GALNT12: variants seen among roughly 807,000 people sequenced by gnomAD.
GALNT12 encodes the protein polypeptide N-acetylgalactosaminyltransferase 12, also known as UDP-GalNAc:polypeptide N-acetylgalactosaminyltransferase 12.
In GALNT12, 45 loss-of-function variants were observed where a neutral mutation model predicts 55.5. That is an observed-to-expected ratio of 0.81 (90% confidence interval 0.64 to 1.04). GALNT12 has a LOEUF of 1.04. Ranked by LOEUF, GALNT12 falls within the 50% of genes least tolerant of loss-of-function variation. The pLI, the probability that GALNT12 is intolerant of heterozygous loss-of-function variation, is 0.00. For synonymous variants in GALNT12, 304 were observed against 312.2 expected (o/e 0.97, Z 0.28); for missense variants, 709 against 754.8 (o/e 0.94, Z 0.71).
chr9:98,818,557 T>G (rs535687654), intron 1 of GALNT12, among the ~76,000 whole-genome samples: 1 of 152,056 alleles, frequency 6.6e-6, no homozygotes, highest in African/African-American at 2.4e-5. Context: ...AGATTTTTCC[T>G]TCCTAATCTA....
chr9:98,823,489 G>A (rs1835792360), intron 2 of GALNT12, 64 bp downstream of exon 2: 23 of 1,470,918 alleles, frequency 1.6e-5, no homozygotes, highest in Non-Finnish European at 2.0e-5. Flanking sequence ...GGAGGTGAGA[G>A]TGGGATGCAG....
intron 1 of GALNT12, among the ~76,000 whole-genome samples, chr9:98,817,203 C>T (rs1025109632): frequency 3.3e-5 from 5 of 152,038 alleles, no homozygotes; most frequent in Non-Finnish European, 5.9e-5. Flanking sequence ...TGGGCTCAAG[C>T]GATCCTCCCA....
intron 1 of GALNT12, among the ~76,000 whole-genome samples, chr9:98,812,038 AAGGGAGT>A (rs1835507047): frequency 6.6e-6 from 1 of 152,176 alleles, no homozygotes; most frequent in African/African-American, 2.4e-5. Context: ...AGGGTTGCAG[AAGGGAGT>A]AGGACATTAG....
At chr9:98,840,694 G>A (rs1836267605) in intron 7 of GALNT12, among the ~76,000 whole-genome samples, 2 of 152,130 alleles carry the variant, frequency 1.3e-5, no homozygotes, top group Admixed American at 1.3e-4. Flanking sequence ...TATAAAGCAG[G>A]ATATTCATGT....
At chr9:98,817,421 A>G (rs1038276521) in intron 1 of GALNT12, among the ~76,000 whole-genome samples, 3 of 152,100 alleles carry the variant, frequency 2.0e-5, no homozygotes, top group Admixed American at 1.3e-4. Context: ...TTGCTATAAC[A>G]TGTATTTGTT....
At chr9:98,843,306 G>T (rs1836337516) in intron 7 of GALNT12, among the ~76,000 whole-genome samples, 1 of 152,008 alleles carries the variant, frequency 6.6e-6, no homozygotes, top group Non-Finnish European at 1.5e-5. Context: ...ACTGAATGAG[G>T]TTTATAATTT....
intron 3 of GALNT12, among the ~76,000 whole-genome samples, chr9:98,831,513 C>T (rs1835990781): frequency 6.6e-6 from 1 of 152,168 alleles, no homozygotes; most frequent in Non-Finnish European, 1.5e-5. Context: ...TCAGAATGTC[C>T]ATGGATAGAA....
chr9:98,837,185 C>T (rs1194785124), intron 6 of GALNT12, 37 bp downstream of exon 6: 3 of 1,606,982 alleles, frequency 1.9e-6, no homozygotes, highest in Non-Finnish European at 2.6e-6. Context: ...CATCTGGCTT[C>T]ATCTGAACAA....
At chr9:98,833,886 T>C (rs771296871) in intron 4 of GALNT12, among the ~76,000 whole-genome samples, 1 of 152,112 alleles carries the variant, frequency 6.6e-6, no homozygotes, top group Non-Finnish European at 1.5e-5. Flanking sequence ...CATCCCATAA[T>C]ATCCCTGTGC....
chr9:98,811,202 G>A (rs1428580117), intron 1 of GALNT12, among the ~76,000 whole-genome samples: 1 of 152,202 alleles, frequency 6.6e-6, no homozygotes, highest in Non-Finnish European at 1.5e-5. Context: ...TTTGGAGGGT[G>A]TGGAGAATAC....
intron 1 of GALNT12, among the ~76,000 whole-genome samples, chr9:98,815,004 G>A (rs1188667529): frequency 2.6e-5 from 4 of 152,210 alleles, no homozygotes; most frequent in Admixed American, 2.6e-4. Flanking sequence ...ATTGTGTGCT[G>A]TGATGTAGCA....
intron 1 of GALNT12, among the ~76,000 whole-genome samples, chr9:98,812,771 G>T (rs1390017980): frequency 6.6e-6 from 1 of 152,002 alleles, no homozygotes; most frequent in Non-Finnish European, 1.5e-5. Flanking sequence ...AGTCGATAGA[G>T]GCTTTTCCCC....
At chr9:98,832,836 A>G (rs958839542) in intron 4 of GALNT12, among the ~76,000 whole-genome samples, 1 of 152,138 alleles carries the variant, frequency 6.6e-6, no homozygotes, top group Non-Finnish European at 1.5e-5. Context: ...CTTTGTACAT[A>G]TATGCTACAT....
chr9:98,817,519 A>G (rs1026136850), intron 1 of GALNT12, among the ~76,000 whole-genome samples: 4 of 152,078 alleles, frequency 2.6e-5, no homozygotes, highest in South Asian at 4.2e-4. Flanking sequence ...GCTGGAGTGC[A>G]ATGGCGCGAT....
At chr9:98,832,984 G>A (rs900838589) in intron 4 of GALNT12, among the ~76,000 whole-genome samples, 6 of 152,260 alleles carry the variant, frequency 3.9e-5, no homozygotes, top group African/African-American at 1.4e-4. Flanking sequence ...ACCTAGGAGT[G>A]GGATTGCTGG....
chr9:98,813,657 G>A (rs1835545629), intron 1 of GALNT12, among the ~76,000 whole-genome samples: 1 of 152,044 alleles, frequency 6.6e-6, no homozygotes, highest in Admixed American at 6.5e-5. Flanking sequence ...CTGCCACCAT[G>A]CCCTGCTAAT....
rs112387878 is a variant in GALNT12 at position 98,841,672 on chromosome 9, C to CT, written c.1344+1553dup. Reference sequence around the variant, plus strand: ...TCATACAGAAAAGGCACGACAAATTCTTTTTTTTTTTTTTGAGAGAAAAGT... The same window carrying CT: ...TCATACAGAAAAGGCACGACAAATTCTTTTTTTTTTTTTTTGAGAGAAAAGT... On this transcript the variant is annotated intron_variant, in intron 7 of 9. Coordinates refer to ENST00000375011, the MANE Select transcript of GALNT12 (RefSeq NM_024642.5). Among the ~76,000 whole-genome samples, 1,006 of 143,390 alleles carry CT rather than the reference C, an allele frequency of 7.0e-3. 8 individuals are homozygous for CT. Among genetic ancestry groups the CT allele is most frequent in the African/African-American group, 0.021 (833 of 39,324 alleles). The allele number at this position is 143,390 out of a possible 152,430, so 94.1% of individuals were successfully genotyped here. A position where few individuals can be genotyped will look rare whatever the true frequency, so the allele number is the denominator to read the frequency against.
intron 2 of GALNT12, 146 bp from the exon 3 acceptor site, chr9:98,826,606 A>G: frequency 1.2e-6 from 1 of 821,878 alleles, no homozygotes; most frequent in Non-Finnish European, 2.0e-6. Flanking sequence ...GGGTGAGGTA[A>G]GGATGTCCCA....
At position 98,834,230 on chromosome 9, in the gene GALNT12, T is replaced by G. The variant is rs183646458; in HGVS notation, c.918-1019T>G. Among the ~76,000 whole-genome samples, 250 of 152,272 alleles carry G rather than the reference T, an allele frequency of 1.6e-3. 2 individuals are homozygous for G. Among genetic ancestry groups the G allele is most frequent in the African/African-American group, 5.8e-3 (239 of 41,544 alleles). On this transcript the variant is annotated intron_variant, in intron 4 of 9. Transcript: ENST00000375011. Reference sequence around the variant, plus strand: ...GCCTCCTGGATTCAAGTGATTCTCCTGCCTCAGCCTCCTGAGTAGCTGGGA... The same window carrying G: ...GCCTCCTGGATTCAAGTGATTCTCCGGCCTCAGCCTCCTGAGTAGCTGGGA...
Sources: gnomAD v4.1 joint callset for allele counts (sites outside exome capture counted in the v4.1 genomes callset) on GRCh38, gnomAD v4.1.1 for gene constraint, MANE v1.5 for transcripts, NCBI Gene and HGNC (gene_info 2026-07-23, HGNC 2026-07-21) for gene names.